The following OTOGL variants were observed in gnomAD, a reference collection of about 807,000 sequenced individuals.
OTOGL encodes the protein otogelin-like protein.
OTOGL carries 285 observed loss-of-function variants against 318.5 expected under a neutral mutation model. The ratio of observed to expected loss-of-function variants is 0.89; its 90% CI spans 0.81 to 0.99. OTOGL has a LOEUF of 0.99. Ranked by LOEUF, OTOGL falls within the 50% of genes least tolerant of loss-of-function variation. The pLI is 0.00. For missense variants in OTOGL, 2,899 were observed against 2,845.6 expected (o/e 1.02, Z -0.43); for synonymous variants, 987 against 936.5 (o/e 1.05, Z -0.99).
intron 1 of OTOGL, among the ~76,000 whole-genome samples, chr12:80,128,525 T>C (rs1209542237): frequency 6.6e-6 from 1 of 152,188 alleles, no homozygotes; most frequent in African/African-American, 2.4e-5. Flanking sequence ...TGTTCTCAGA[T>C]CTCCAGCTGC....
intron 1 of OTOGL, among the ~76,000 whole-genome samples, chr12:80,192,108 G>A (rs1232347070): frequency 6.6e-6 from 1 of 152,150 alleles, no homozygotes; most frequent in Non-Finnish European, 1.5e-5. Flanking sequence ...CCTGACTTGT[G>A]TAACTTCCAT....
At chr12:80,114,122 A>T (rs1565865114) in intron 1 of OTOGL, among the ~76,000 whole-genome samples, 2 of 152,060 alleles carry the variant, frequency 1.3e-5, no homozygotes, top group African/African-American at 4.8e-5. Flanking sequence ...CTTTAATTTT[A>T]ATATTGTTAT....
chr12:80,368,310 G>C lies in OTOGL; in HGVS notation c.6615+1G>C. ...AAATGGAACATCAGTTGTATACGCG[G>C]TATGTTTCATGGAGAGTAATGCTCT... On this transcript the variant is annotated splice_donor_variant, in intron 55 of 58. Coordinates refer to ENST00000547103, the MANE Select transcript of OTOGL (RefSeq NM_001378609.3). LOFTEE classifies it high-confidence loss of function. The C allele has an allele frequency of 6.4e-7, 1 of 1,571,752 alleles. No individual in the cohort carries two copies. The highest frequency in any genetic ancestry group is 8.7e-7 in the Non-Finnish European group (1 of 1,152,240).
At chr12:80,262,869 C>T (rs1003773476) in intron 19 of OTOGL, among the ~76,000 whole-genome samples, 1 of 151,714 alleles carries the variant, frequency 6.6e-6, no homozygotes, top group Non-Finnish European at 1.5e-5. Context: ...TTATTTTTTC[C>T]TTTAATCATC....
chr12:80,322,072 G>A (rs890933540), intron 34 of OTOGL, among the ~76,000 whole-genome samples: 1 of 152,164 alleles, frequency 6.6e-6, no homozygotes, highest in Admixed American at 6.5e-5. Flanking sequence ...AGCCTGGATT[G>A]TTTCAGAAGA....
rs1481529745 is a variant in OTOGL at position 80,249,900 on chromosome 12, A to G, written c.1053-1793A>G. Among the ~76,000 whole-genome samples the G allele has an allele frequency of 3.3e-5, 5 of 152,082 alleles. No individual in the cohort carries two copies. The South Asian group carries it at 6.2e-4, about 19-fold the overall frequency. ...TTTTTTAAGCCGGTCTGAAATGCGC[A>G]ATATTCGGGTGGGAGTGACCCGATT... On this transcript the variant is annotated intron_variant, in intron 11 of 58. Transcript: ENST00000547103.
chr12:80,317,272 G>A (rs989347537), intron 32 of OTOGL, among the ~76,000 whole-genome samples: 1 of 152,134 alleles, frequency 6.6e-6, no homozygotes, highest in Non-Finnish European at 1.5e-5. Flanking sequence ...AGTAGATGGT[G>A]AAATTATACT....
chr12:80,206,035 A>G (rs1466861181), intron 1 of OTOGL, among the ~76,000 whole-genome samples: 1 of 152,146 alleles, frequency 6.6e-6, no homozygotes, highest in Non-Finnish European at 1.5e-5. Flanking sequence ...GGAACTGTTT[A>G]TTGCTTGTAT....
intron 35 of OTOGL, among the ~76,000 whole-genome samples, chr12:80,324,783 T>C (rs1233637501): frequency 6.6e-6 from 1 of 152,196 alleles, no homozygotes; most frequent in Admixed American, 6.5e-5. Context: ...CCTCAGCAGT[T>C]ATTAGGTGAA....
intron 42 of OTOGL, among the ~76,000 whole-genome samples, chr12:80,338,135 A>C (rs956676039): frequency 6.6e-6 from 1 of 152,088 alleles, no homozygotes; most frequent in Admixed American, 6.6e-5. Flanking sequence ...AGTAACTTAT[A>C]CTTGTGCATG....
chr12:80,324,864 A>G (rs906501853), intron 35 of OTOGL, among the ~76,000 whole-genome samples: 4 of 152,198 alleles, frequency 2.6e-5, no homozygotes, highest in Admixed American at 2.0e-4. Context: ...GATTTGATCT[A>G]ATAGAACTGC....
rs114621500 is a variant in OTOGL at position 80,302,252 on chromosome 12, C to T, written c.3064-382C>T. Among the ~76,000 whole-genome samples the T allele has an allele frequency of 6.4e-3, 971 of 152,248 alleles. 4 individuals carry two copies. The highest frequency in any genetic ancestry group is 0.022 in the African/African-American group (917 of 41,544). On this transcript the variant is annotated intron_variant, in intron 27 of 58. Coordinates refer to ENST00000547103, the MANE Select transcript of OTOGL (RefSeq NM_001378609.3). ...CGCAGGAACAAATTTCTCTCTTTTG[C>T]GGGCAAGGCCATACCTTTTTTAGTT... is the stretch of plus-strand genomic sequence containing the variant.
chr12:80,210,902 T>C lies in OTOGL; in HGVS notation c.119+16T>C. The stretch of plus-strand genomic sequence containing the variant: ...GAACATCAAAGTGAGTATTTCTTGT[T>C]CTTCGTGTCCTCTAAAACATAAAGT... On this transcript the variant is annotated intron_variant, in intron 3 of 58. Transcript: ENST00000547103. The C allele has an allele frequency of 2.0e-6, 3 of 1,464,160 alleles. No homozygotes were observed. The highest frequency in any genetic ancestry group is 2.7e-6 in the Non-Finnish European group (3 of 1,098,304). The allele number at this position is 1,464,160 out of a possible 1,614,324, so 90.7% of individuals were successfully genotyped here.
chr12:80,311,011 T>C (rs923994558), intron 30 of OTOGL, among the ~76,000 whole-genome samples: 5 of 152,248 alleles, frequency 3.3e-5, no homozygotes, highest in African/African-American at 9.6e-5. Context: ...CATTTTATGA[T>C]TAAGAGCATA....
intron 1 of OTOGL, among the ~76,000 whole-genome samples, chr12:80,187,282 C>T (rs1271662835): frequency 6.6e-6 from 1 of 151,070 alleles, no homozygotes; most frequent in Non-Finnish European, 1.5e-5. Flanking sequence ...TTTTTTATAC[C>T]GATACTTAGT....
intron 36 of OTOGL, 99 bp from the exon 37 acceptor site, chr12:80,328,952 C>A (rs890861221): frequency 8.2e-7 from 1 of 1,218,682 alleles, no homozygotes; most frequent in Non-Finnish European, 1.1e-6. Flanking sequence ...TTCTTTTTCC[C>A]AAAACATTTT....
At chr12:80,363,797 C>T (rs1238271829) in intron 52 of OTOGL, among the ~76,000 whole-genome samples, 4 of 152,158 alleles carry the variant, frequency 2.6e-5, no homozygotes, top group African/African-American at 7.2e-5. Context: ...AAAACCTAGC[C>T]TTTCCTCCTA....
chr12:80,135,577 G>A (rs969107887), intron 1 of OTOGL, among the ~76,000 whole-genome samples: 7 of 151,958 alleles, frequency 4.6e-5, no homozygotes, highest in Non-Finnish European at 1.0e-4. Context: ...CTGGCCTATC[G>A]AATACTTTCA....
At chr12:80,347,223 G>A (rs1357476708) in intron 44 of OTOGL, among the ~76,000 whole-genome samples, 1 of 151,890 alleles carries the variant, frequency 6.6e-6, no homozygotes. Context: ...AAGCGCCACG[G>A]TGGTTTGCTG....
Sources: allele counts gnomAD v4.1 joint callset (sites outside exome capture counted in the v4.1 genomes callset), GRCh38; gene constraint gnomAD v4.1.1; transcripts MANE v1.5; gene names NCBI Gene and HGNC (gene_info 2026-07-23, HGNC 2026-07-21).